Variants in CDH12 observed in about 807,000 individuals in gnomAD.
CDH12 encodes the protein cadherin-12.
A neutral mutation model predicts 74.1 loss-of-function variants in CDH12; 41 were observed. The ratio of observed to expected loss-of-function variants is 0.55; its 90% CI spans 0.43 to 0.72. CDH12 has a LOEUF of 0.72. Ranked by LOEUF, CDH12 falls within the 30% of genes least tolerant of loss-of-function variation. The pLI, the probability that CDH12 is intolerant of heterozygous loss-of-function variation, is 0.00. For synonymous variants in CDH12, 399 were observed against 355.0 expected (o/e 1.12, Z -1.39); for missense variants, 945 against 977.2 (o/e 0.97, Z 0.44).
chr5:22,237,969 A>G (rs973086310), intron 3 of CDH12, among the ~76,000 whole-genome samples: 4 of 152,214 alleles, frequency 2.6e-5, no homozygotes, highest in African/African-American at 9.6e-5. Flanking sequence ...TATGGCTAAT[A>G]TAATTTCTAA....
At chr5:22,729,932 A>G (rs1447061829) in intron 1 of CDH12, among the ~76,000 whole-genome samples, 1 of 151,874 alleles carries the variant, frequency 6.6e-6, no homozygotes, top group Admixed American at 6.6e-5. Context: ...TTAAATGAAC[A>G]TATACAAAAT....
intron 1 of CDH12, among the ~76,000 whole-genome samples, chr5:22,656,776 A>G (rs753492274): frequency 6.6e-6 from 1 of 152,216 alleles, no homozygotes; most frequent in African/African-American, 2.4e-5. Context: ...ACTAGAAACA[A>G]TAAAAAATAT....
intron 4 of CDH12, among the ~76,000 whole-genome samples, chr5:22,168,629 T>C (rs1455114114): frequency 2.0e-5 from 3 of 152,056 alleles, no homozygotes; most frequent in Admixed American, 2.0e-4. Context: ...CGGATTTTGT[T>C]TGTGTGATTT....
At chr5:21,828,413 A>G (rs992561820) in intron 8 of CDH12, among the ~76,000 whole-genome samples, 32 of 152,146 alleles carry the variant, frequency 2.1e-4, no homozygotes, top group African/African-American at 7.7e-4. Flanking sequence ...TGAGCCACTG[A>G]GCCTGGCCAA....
chr5:22,001,357 G>T (rs1736591600), intron 5 of CDH12, among the ~76,000 whole-genome samples: 1 of 151,994 alleles, frequency 6.6e-6, no homozygotes, highest in African/African-American at 2.4e-5. Context: ...ATCATCAATG[G>T]CTGTATTTTG....
chr5:21,948,064 T>C lies in CDH12; in HGVS notation c.526+27027A>G, dbSNP rs191090273. On this transcript the variant is annotated intron_variant, in intron 6 of 14. Transcript: ENST00000382254. ...CTCTGCCTAGATTTCACAGGTTGTATGGAAATGCCTGGATGTCCAGGCCGA... is the reference window on the plus strand; with the variant it reads ...CTCTGCCTAGATTTCACAGGTTGTACGGAAATGCCTGGATGTCCAGGCCGA... 3.3e-5 allele frequency among the ~76,000 whole-genome samples: 5 copies of C among 152,264 alleles called. No homozygotes were observed. In the East Asian group the frequency reaches 9.7e-4, roughly 29 times the overall value.
At chr5:22,014,600 T>G (rs1242897573) in intron 5 of CDH12, among the ~76,000 whole-genome samples, 2 of 152,128 alleles carry the variant, frequency 1.3e-5, no homozygotes, top group African/African-American at 4.8e-5. Flanking sequence ...TCACTTGCAC[T>G]GATATGGACA....
chr5:22,506,134 T>C (rs1272712660), intron 1 of CDH12, among the ~76,000 whole-genome samples: 1 of 152,174 alleles, frequency 6.6e-6, no homozygotes, highest in Non-Finnish European at 1.5e-5. Flanking sequence ...TTTCGTACTA[T>C]AAAGTTCCTT....
chr5:22,815,166 A>G lies in CDH12; in HGVS notation c.-523+37892T>C, dbSNP rs144451937. 3.9e-5 allele frequency among the ~76,000 whole-genome samples: 6 copies of G among 152,316 alleles called. 1 individual carries two copies. The East Asian group carries it at 1.2e-3, about 29-fold the overall frequency. The stretch of plus-strand genomic sequence containing the variant: ...CACATGCAACTCTTGTTCAGCAAAG[A>G]GGGGACAAGATGTAACTCACCACAA... On this transcript the variant is annotated intron_variant, in intron 1 of 14. Transcript: ENST00000382254.
rs150918059 is a variant in CDH12, at chr5:22,430,896, T to C, written c.-427-25545A>G. On this transcript the variant is annotated intron_variant, in intron 2 of 14. Transcript: ENST00000382254. ...TAAAGATTCTTTAGCAGTTTCTTTG[T>C]AGTAAGTTGCTGATTTTACTTCAAG... Among the ~76,000 whole-genome samples, 11 of 152,286 alleles carry C rather than the reference T, an allele frequency of 7.2e-5. No individual in the cohort carries two copies. The East Asian group carries it at 2.1e-3, about 29-fold the overall frequency.
At chr5:21,915,308 G>C (rs1308867412) in intron 6 of CDH12, among the ~76,000 whole-genome samples, 1 of 152,038 alleles carries the variant, frequency 6.6e-6, no homozygotes, top group African/African-American at 2.4e-5. Context: ...TGGTTTTTTA[G>C]TAGTATGTAG....
chr5:22,373,208 C>T (rs571357843), intron 3 of CDH12, among the ~76,000 whole-genome samples: 5 of 152,294 alleles, frequency 3.3e-5, no homozygotes, highest in Admixed American at 6.5e-5. Context: ...GCCCCAAGCC[C>T]TCCTCCCAGA....
chr5:22,068,207 C>T (rs1471712984), intron 5 of CDH12, among the ~76,000 whole-genome samples: 1 of 152,124 alleles, frequency 6.6e-6, no homozygotes, highest in Admixed American at 6.5e-5. Context: ...CCTCAGCAGG[C>T]CCTTGATGCA....
chr5:22,382,599 C>A (rs1314376134), intron 3 of CDH12, among the ~76,000 whole-genome samples: 1 of 151,964 alleles, frequency 6.6e-6, no homozygotes, highest in Admixed American at 6.6e-5. Flanking sequence ...GAATTACTTG[C>A]TAGCTGGGTT....
intron 6 of CDH12, among the ~76,000 whole-genome samples, chr5:21,880,605 T>TCTC (rs1752242597): frequency 1.3e-5 from 1 of 77,140 alleles, no homozygotes; most frequent in South Asian, 5.3e-4. Flanking sequence ...CCTTCCTTCC[T>TCTC]TCCTTCCTTC....
intron 11 of CDH12, among the ~76,000 whole-genome samples, chr5:21,777,569 C>T (rs1393781200): frequency 2.0e-5 from 3 of 150,502 alleles, no homozygotes; most frequent in Non-Finnish European, 4.4e-5. Flanking sequence ...GTCACCCAGG[C>T]TGGAGTGCAG....
chr5:21,816,812 T>C, intron 9 of CDH12, 133 bp downstream of exon 9: 1 of 545,928 alleles, frequency 1.8e-6, no homozygotes, highest in Non-Finnish European at 3.0e-6. Flanking sequence ...GTACCCCAAC[T>C]CTCACATGGT....
At chr5:22,679,028 G>A (rs1741355846) in intron 1 of CDH12, among the ~76,000 whole-genome samples, 1 of 152,068 alleles carries the variant, frequency 6.6e-6, no homozygotes, top group Non-Finnish European at 1.5e-5. Context: ...TTATCCATGG[G>A]ACGTTCAGAC....
chr5:22,261,803 AAT>A (rs1365700203), intron 3 of CDH12, among the ~76,000 whole-genome samples: 4 of 144,960 alleles, frequency 2.8e-5, no homozygotes, highest in Non-Finnish European at 4.6e-5. Flanking sequence ...AAAAAAAAAA[AAT>A]ACATGGCTTT....
Sources: gnomAD v4.1 joint callset for allele counts (sites outside exome capture counted in the v4.1 genomes callset) on GRCh38, gnomAD v4.1.1 for gene constraint, MANE v1.5 for transcripts, NCBI Gene and HGNC (gene_info 2026-07-23, HGNC 2026-07-21) for gene names.